FRMD4A: variants seen among roughly 807,000 people sequenced by gnomAD.
The protein encoded by FRMD4A is FERM domain-containing protein 4A.
A neutral mutation model predicts 129.1 loss-of-function variants in FRMD4A; 29 were observed. That is an observed-to-expected ratio of 0.22 (90% CI 0.17 to 0.31). The LOEUF (loss-of-function observed/expected upper bound fraction) is 0.31, where lower values mean the gene tolerates loss of function less well. Among genes scored for constraint, FRMD4A ranks in the 10% least tolerant of loss-of-function variants. The probability of loss-of-function intolerance (pLI) is 1.00; values close to 1 mark genes in which losing one functional copy is unlikely to be tolerated. For synonymous variants in FRMD4A, 634 were observed against 571.6 expected (o/e 1.11, Z -1.56); for missense variants, 1,272 against 1,375.8 (o/e 0.92, Z 1.19).
chr10:14,286,076 A>G (rs1845671893), intron 2 of FRMD4A, among the ~76,000 whole-genome samples: 1 of 152,212 alleles, frequency 6.6e-6, no homozygotes, highest in South Asian at 2.1e-4. Context: ...CATGGTGCTA[A>G]TTTAAGATCA....
rs114969653 is a variant in FRMD4A at position 13,869,963 on chromosome 10, A to T, written c.46-11051T>A. On this transcript the variant is annotated intron_variant, in intron 2 of 24. Transcript: ENST00000357447. ...ACTGGAGCAACCGGAGTCTCTGAAG[A>T]GCTACAGAGCCTTAATCCTACTGAG... Among the ~76,000 whole-genome samples, 1,307 of 152,316 alleles carry T rather than the reference A, an allele frequency of 8.6e-3. 20 individuals carry two copies. The highest frequency in any genetic ancestry group is 0.03 in the African/African-American group (1,244 of 41,556).
At chr10:14,286,552 A>G (rs1402909947) in intron 2 of FRMD4A, among the ~76,000 whole-genome samples, 2 of 152,210 alleles carry the variant, frequency 1.3e-5, no homozygotes, top group Non-Finnish European at 2.9e-5. Context: ...AAACAAAACC[A>G]TCTCCCACTT....
intron 2 of FRMD4A, among the ~76,000 whole-genome samples, chr10:14,167,939 G>A (rs1564357764): frequency 6.6e-6 from 1 of 152,188 alleles, no homozygotes; most frequent in Non-Finnish European, 1.5e-5. Context: ...CGTGGTGGGA[G>A]GATCACCTGC....
chr10:14,184,591 T>A (rs1257348125), intron 2 of FRMD4A, among the ~76,000 whole-genome samples: 5 of 152,142 alleles, frequency 3.3e-5, no homozygotes, highest in Non-Finnish European at 4.4e-5. Flanking sequence ...AAGGCTGAAG[T>A]GCTTTATACA....
intron 3 of FRMD4A, among the ~76,000 whole-genome samples, chr10:13,840,034 C>T (rs1193390014): frequency 6.6e-6 from 1 of 152,206 alleles, no homozygotes; most frequent in Non-Finnish European, 1.5e-5. Flanking sequence ...TGGCTTTGCA[C>T]ACATTGCTGC....
intron 2 of FRMD4A, among the ~76,000 whole-genome samples, chr10:14,216,023 G>T (rs964404093): frequency 2.0e-5 from 3 of 152,098 alleles, no homozygotes; most frequent in African/African-American, 7.2e-5. Context: ...AATCTCCATG[G>T]GGGAAAGAAG....
intron 14 of FRMD4A, among the ~76,000 whole-genome samples, chr10:13,694,706 G>T (rs2086049731): frequency 6.6e-6 from 1 of 152,158 alleles, no homozygotes; most frequent in Non-Finnish European, 1.5e-5. Flanking sequence ...GCCAGGTGTG[G>T]TAGTGCATGC....
At chr10:14,185,733 T>C (rs1229521050) in intron 2 of FRMD4A, among the ~76,000 whole-genome samples, 1 of 152,132 alleles carries the variant, frequency 6.6e-6, no homozygotes, top group African/African-American at 2.4e-5. Context: ...AGAGAAGGGA[T>C]GGCAACAGCA....
At chr10:14,057,641 G>T (rs1303059159) in intron 2 of FRMD4A, among the ~76,000 whole-genome samples, 1 of 151,480 alleles carries the variant, frequency 6.6e-6, no homozygotes, top group African/African-American at 2.4e-5. Flanking sequence ...CGCGATCTCT[G>T]CTCACCACAA....
At chr10:14,020,274 T>C (rs1443140306) in intron 2 of FRMD4A, among the ~76,000 whole-genome samples, 1 of 152,178 alleles carries the variant, frequency 6.6e-6, no homozygotes, top group Non-Finnish European at 1.5e-5. Context: ...CAACTAATTA[T>C]GAAACACCAG....
At chr10:14,243,281 T>TG (rs139776325) in intron 2 of FRMD4A, among the ~76,000 whole-genome samples, 7,901 of 152,254 alleles carry the variant, frequency 0.052, 252 homozygotes, top group Middle Eastern at 0.095. Flanking sequence ...GATTGGATCA[T>TG]GGGGGCGGTT....
At chr10:13,706,436 T>C (rs1589467603) in intron 13 of FRMD4A, among the ~76,000 whole-genome samples, 2 of 152,224 alleles carry the variant, frequency 1.3e-5, no homozygotes, top group Admixed American at 1.3e-4. Flanking sequence ...ACAGGGACTT[T>C]TTACAACCCT....
At chr10:13,778,818 T>C (rs562273912) in intron 6 of FRMD4A, among the ~76,000 whole-genome samples, 1 of 152,262 alleles carries the variant, frequency 6.6e-6, no homozygotes, top group South Asian at 2.1e-4. Flanking sequence ...TGTGATCTCA[T>C]CTTCATTCAC....
chr10:13,864,120 C>T (rs536610898), intron 2 of FRMD4A, among the ~76,000 whole-genome samples: 2 of 151,978 alleles, frequency 1.3e-5, no homozygotes, highest in African/African-American at 4.8e-5. Flanking sequence ...CTCAGCCTCC[C>T]GAGTAGCTGG....
chr10:13,940,837 AC>A (rs1486558337), intron 2 of FRMD4A, among the ~76,000 whole-genome samples: 37 of 152,314 alleles, frequency 2.4e-4, no homozygotes, highest in African/African-American at 8.4e-4. Flanking sequence ...AAATGTCTTT[AC>A]GATTTCCTAG....
At chr10:14,167,151 A>T (rs1841224342) in intron 2 of FRMD4A, among the ~76,000 whole-genome samples, 1 of 152,204 alleles carries the variant, frequency 6.6e-6, no homozygotes, top group Non-Finnish European at 1.5e-5. Flanking sequence ...TCCCAGTGAC[A>T]CTGATTTGAC....
At chr10:13,704,011 AAAAC>A (rs143691958) in intron 13 of FRMD4A, among the ~76,000 whole-genome samples, 2,181 of 152,262 alleles carry the variant, frequency 0.014, 111 homozygotes, top group South Asian at 0.14. Flanking sequence ...CTCAAAAAAC[AAAAC>A]AAACAAACAA....
chr10:14,227,242 TC>T (rs1843472465), intron 2 of FRMD4A, among the ~76,000 whole-genome samples: 1 of 129,344 alleles, frequency 7.7e-6, no homozygotes, highest in Non-Finnish European at 1.6e-5. Flanking sequence ...CTCTTCTTCT[TC>T]TTTTTTTTTT....
intron 15 of FRMD4A, among the ~76,000 whole-genome samples, chr10:13,688,295 C>T (rs2085293195): frequency 6.6e-6 from 1 of 151,418 alleles, no homozygotes; most frequent in South Asian, 2.1e-4. Flanking sequence ...ATAGCAAGCA[C>T]AAAAAACCAA....
Sources: gnomAD v4.1 joint callset for allele counts (sites outside exome capture counted in the v4.1 genomes callset) on GRCh38, gnomAD v4.1.1 for gene constraint, MANE v1.5 for transcripts, NCBI Gene and HGNC (gene_info 2026-07-23, HGNC 2026-07-21) for gene names.